The following PAX7 variants were observed in gnomAD, a reference collection of about 807,000 sequenced individuals.
PAX7 encodes the protein paired box 7.
Under a neutral mutation model 50.7 loss-of-function variants are expected in PAX7, and 18 were observed. That is an observed-to-expected ratio of 0.36 (90% CI 0.25 to 0.53). The LOEUF is 0.53. Among genes scored for constraint, PAX7 ranks in the 20% least tolerant of loss-of-function variants. The pLI is 0.93. For missense variants in PAX7, 644 were observed against 702.9 expected, an observed-to-expected ratio of 0.92 and a Z score of 0.95; for synonymous variants, 310 against 290.4, an observed-to-expected ratio of 1.07 and a Z score of -0.69.
chr1:18,662,271 G>T (rs993765370), intron 4 of PAX7, among the ~76,000 whole-genome samples: 1 of 152,180 alleles, frequency 6.6e-6, no homozygotes, highest in Admixed American at 6.5e-5. Flanking sequence ...CTGAGCTTTG[G>T]TGATCTTGCC....
At chr1:18,727,287 TG>T (rs2089584491) in intron 7 of PAX7, among the ~76,000 whole-genome samples, 1 of 112,666 alleles carries the variant, frequency 8.9e-6, no homozygotes, top group African/African-American at 3.5e-5. Flanking sequence ...GTGCACAAGT[TG>T]CATGAACACA....
intron 7 of PAX7, among the ~76,000 whole-genome samples, chr1:18,730,967 C>T (rs148397431): frequency 8.0e-4 from 122 of 152,156 alleles, no homozygotes; most frequent in Middle Eastern, 3.4e-3. Flanking sequence ...GAGGAAGGGA[C>T]GGCTGTCTGT....
chr1:18,634,460 C>A lies in PAX7; in HGVS notation c.243C>A (p.Gly81=), dbSNP rs374125320. Residue 81 remains glycine, a synonymous_variant, in exon 2 of 9, where the codon GGC becomes GGA. Transcript: ENST00000420770. The surrounding 1 kb of genome is among the most constrained non-coding windows in gnomAD (Gnocchi z 4.0). ...CCCGACAGCTGCGTGTCTCCCACGGCTGCGTCTCCAAGATTCTTTGCCGCT... is the reference window on the plus strand; with the variant it reads ...CCCGACAGCTGCGTGTCTCCCACGGATGCGTCTCCAAGATTCTTTGCCGCT... ...VISRQLRVSH[G]CVSKILCRYQ... is the part of the protein sequence containing the mutation. 1 of 1,614,206 alleles carries A rather than the reference C, an allele frequency of 6.2e-7. No individual in the cohort carries two copies. The highest frequency in any genetic ancestry group is 1.3e-5 in the African/African-American group (1 of 75,068).
In PAX7 at chr1:18,634,334, TC is replaced by T. The variant is rs1557498658; in HGVS notation, c.118del (p.Gln40SerfsTer20). 6.2e-7 allele frequency: 1 copy of T among 1,614,012 alleles called. No individual in the cohort carries two copies. Among genetic ancestry groups the T allele is most frequent in the Non-Finnish European group, 8.5e-7 (1 of 1,180,012 alleles). ...STPLGQGRVN[Q>X]LGGVFINGRP... is the part of the protein sequence containing the mutation. ...CCCCGCTTGGCCAAGGCCGGGTCAA[TC>T]AGCTGGGAGGGGTCTTCATCAATGG... On this transcript the variant is annotated frameshift_variant, in exon 2 of 9. Transcript: ENST00000420770. LOFTEE classifies it high-confidence loss of function. This position sits in a 1 kb window ranked among gnomAD's most constrained non-coding sequence, Gnocchi z 4.0.
intron 5 of PAX7, among the ~76,000 whole-genome samples, chr1:18,696,823 T>G (rs1433556925): frequency 6.6e-6 from 1 of 152,078 alleles, no homozygotes; most frequent in Non-Finnish European, 1.5e-5. Flanking sequence ...ATAAAGAAGA[T>G]GTATTTGTAT....
chr1:18,725,695 C>T (rs935119119), intron 7 of PAX7, among the ~76,000 whole-genome samples: 1 of 152,240 alleles, frequency 6.6e-6, no homozygotes, highest in Non-Finnish European at 1.5e-5. Context: ...CGATCGGCCC[C>T]TTCCCCCCGA....
Position 18,726,030 on chromosome 1 carries a change from TTG to T in PAX7, c.1156-9588_1156-9587del, listed in dbSNP as rs35777270. ...CGTGCGCGCGTGTGTGTGCGTGTGTTTGTGTGTGTGTGTGTCTTTGACTTCTT... is the reference window on the plus strand; with the variant it reads ...CGTGCGCGCGTGTGTGTGCGTGTGTTTGTGTGTGTGTGTCTTTGACTTCTT... On this transcript the variant is annotated intron_variant, in intron 7 of 8. Coordinates refer to ENST00000420770, the MANE Select transcript of PAX7 (RefSeq NM_001135254.2). This position sits in a 1 kb window ranked among gnomAD's most constrained non-coding sequence, Gnocchi z 4.8. Among the ~76,000 whole-genome samples the T allele has an allele frequency of 0.047, 7,075 of 150,012 alleles. 258 individuals carry two copies. The highest frequency in any genetic ancestry group is 0.14 in the South Asian group (642 of 4,752).
chr1:18,667,475 G>C (rs545914861), intron 4 of PAX7, among the ~76,000 whole-genome samples: 16 of 152,044 alleles, frequency 1.1e-4, no homozygotes, highest in Admixed American at 9.8e-4. Flanking sequence ...ACACACCCCG[G>C]AGCAGCAGCC....
At chr1:18,662,333 C>T (rs749195821) in intron 4 of PAX7, among the ~76,000 whole-genome samples, 1 of 152,100 alleles carries the variant, frequency 6.6e-6, no homozygotes, top group East Asian at 1.9e-4. Context: ...GGAGAATGCG[C>T]GGGGCAATGC....
intron 4 of PAX7, among the ~76,000 whole-genome samples, chr1:18,686,887 A>AT (rs1357352148): frequency 8.1e-5 from 2 of 24,752 alleles, no homozygotes; most frequent in African/African-American, 6.0e-4. Context: ...ATTTTATTTT[A>AT]TTATTATTAT....
At position 18,691,942 on chromosome 1, in the gene PAX7, G is replaced by A; in HGVS notation, c.775G>A (p.Ala259Thr). Residue 259 changes from alanine to threonine, a missense_variant, in exon 5 of 9, where the codon GCG becomes ACG. Coordinates refer to ENST00000420770, the MANE Select transcript of PAX7 (RefSeq NM_001135254.2). The stretch of plus-strand genomic sequence containing the variant: ...GGCGCAGAGGACCAAGCTGACAGAG[G>A]CGCGTGTGCAGGTGAGGAGGCACCT... ...ELAQRTKLTE[A>T]RVQVWFSNRR... 6.2e-7 allele frequency: 1 copy of A among 1,613,414 alleles called. No individual in the cohort carries two copies. Among genetic ancestry groups the A allele is most frequent in the Non-Finnish European group, 8.5e-7 (1 of 1,179,770 alleles).
intron 8 of PAX7, among the ~76,000 whole-genome samples, chr1:18,743,304 C>A (rs1015895020): frequency 6.6e-6 from 1 of 152,234 alleles, no homozygotes; most frequent in Non-Finnish European, 1.5e-5. Context: ...AGGATTTGAA[C>A]CTCCGTCATT....
chr1:18,692,777 G>A (rs146887142), intron 5 of PAX7, among the ~76,000 whole-genome samples: 2 of 152,198 alleles, frequency 1.3e-5, no homozygotes, highest in Non-Finnish European at 2.9e-5. Flanking sequence ...GGCAGGGTGG[G>A]CAGCCCCCAA....
chr1:18,734,050 C>T (rs950196277), intron 7 of PAX7, among the ~76,000 whole-genome samples: 4 of 152,192 alleles, frequency 2.6e-5, no homozygotes, highest in African/African-American at 4.8e-5. Context: ...GTCCCTAGCC[C>T]GAGGAATCCA....
chr1:18,694,511 T>TAAATAAATAAATAA (rs1557535039), intron 5 of PAX7, among the ~76,000 whole-genome samples: 1 of 138,598 alleles, frequency 7.2e-6, no homozygotes. Context: ...TAAATAAATA[T>TAAATAAATAAATAA]AAAATAAAAT....
intron 4 of PAX7, among the ~76,000 whole-genome samples, chr1:18,667,320 T>C (rs1008379674): frequency 2.0e-5 from 3 of 151,020 alleles, no homozygotes; most frequent in African/African-American, 4.9e-5. Flanking sequence ...TGTACAGTGG[T>C]TGGGTTTTGC....
chr1:18,748,723 A>G lies in PAX7; in HGVS notation c.*3794A>G. The G allele has an allele frequency of 4.3e-6, 1 of 231,460 alleles. No individual in the cohort carries two copies. The highest frequency in any genetic ancestry group is 8.5e-6 in the Non-Finnish European group (1 of 116,972). The allele number at this position is 231,460 out of a possible 1,614,324, so 14.3% of individuals were successfully genotyped here. ...GTGTGGGCGTGAGGTGTGTGTTTAA[A>G]TATAATCACACCATAATTTATTCAG... On this transcript the variant is annotated 3_prime_UTR_variant, in exon 9 of 9. Coordinates refer to ENST00000420770, the MANE Select transcript of PAX7 (RefSeq NM_001135254.2).
intron 4 of PAX7, among the ~76,000 whole-genome samples, chr1:18,682,065 G>A (rs2088909683): frequency 6.6e-6 from 1 of 152,116 alleles, no homozygotes; most frequent in South Asian, 2.1e-4. Flanking sequence ...ATCCGGCCTG[G>A]TGGGGTTCGA....
chr1:18,640,636 G>C (rs1237847720), intron 4 of PAX7, among the ~76,000 whole-genome samples: 1 of 152,156 alleles, frequency 6.6e-6, no homozygotes, highest in Non-Finnish European at 1.5e-5. Flanking sequence ...CCAAATCAAA[G>C]GATTACCCCG....
Sources: gnomAD v4.1 joint callset for allele counts (sites outside exome capture counted in the v4.1 genomes callset) on GRCh38, gnomAD v4.1.1 for gene constraint, Gnocchi (gnomAD v3.1) non-coding constraint, MANE v1.5 for transcripts, NCBI Gene and HGNC (gene_info 2026-07-23, HGNC 2026-07-21) for gene names.